Variants in NLGN4X observed in about 807,000 individuals in gnomAD.
NLGN4X encodes neuroligin-4, X-linked.
A neutral mutation model predicts 40.3 loss-of-function variants in NLGN4X; 3 were observed. That is an observed-to-expected ratio of 0.07 (90% CI 0.03 to 0.19). The LOEUF (loss-of-function observed/expected upper bound fraction) is 0.19. Ranked by LOEUF, NLGN4X falls within the 10% of genes least tolerant of loss-of-function variation. The probability of loss-of-function intolerance (pLI) is 1.00; values close to 1 mark genes in which losing one functional copy is unlikely to be tolerated. For synonymous variants in NLGN4X, 270 were observed against 306.8 expected (o/e 0.88, Z 1.25); for missense variants, 382 against 708.3 (o/e 0.54, Z 5.23).
intron 2 of NLGN4X, among the ~76,000 whole-genome samples, chrX:6,058,336 A>G (rs1278353011): frequency 1.8e-5 from 2 of 112,026 alleles, no homozygotes; most frequent in Admixed American, 1.9e-4. Flanking sequence ...AAGATACTAA[A>G]TCTGTGATTA....
chrX:6,036,941 A>G (rs910745576), intron 2 of NLGN4X, among the ~76,000 whole-genome samples: 2 of 111,531 alleles, frequency 1.8e-5, no homozygotes, highest in African/African-American at 6.5e-5. Context: ...TTAGTGCTTT[A>G]TCTATGTTAT....
At chrX:6,048,157 G>A (rs375376174) in intron 2 of NLGN4X, among the ~76,000 whole-genome samples, 329 of 111,770 alleles carry the variant, frequency 2.9e-3, no homozygotes, top group African/African-American at 0.01. Context: ...CTACAAACAC[G>A]CACAATTTCA....
intron 2 of NLGN4X, among the ~76,000 whole-genome samples, chrX:6,031,865 C>A (rs2036866597): frequency 9.1e-6 from 1 of 109,959 alleles, no homozygotes; most frequent in African/African-American, 3.3e-5. Context: ...TACCTCAGAC[C>A]TACCATCTTT....
chrX:6,191,860 A>G (rs907032534), intron 1 of NLGN4X, among the ~76,000 whole-genome samples: 9 of 112,020 alleles, frequency 8.0e-5, no homozygotes, highest in Non-Finnish European at 1.7e-4. Flanking sequence ...TTCTATCTCA[A>G]ATAAAAAAAA....
At chrX:6,206,000 A>G (rs1179846357) in intron 1 of NLGN4X, among the ~76,000 whole-genome samples, 4 of 111,794 alleles carry the variant, frequency 3.6e-5, no homozygotes, top group African/African-American at 1.3e-4. Flanking sequence ...CTTAATTACA[A>G]TGATCATTGT....
intron 2 of NLGN4X, among the ~76,000 whole-genome samples, chrX:6,048,767 T>G (rs2037393700): frequency 9.3e-6 from 1 of 107,587 alleles, no homozygotes; most frequent in Non-Finnish European, 1.9e-5. Context: ...CACCACATGT[T>G]CTCACGTATA....
intron 3 of NLGN4X, among the ~76,000 whole-genome samples, chrX:6,014,143 T>C (rs1274783756): frequency 2.8e-5 from 3 of 107,398 alleles, no homozygotes; most frequent in African/African-American, 6.9e-5. Flanking sequence ...GATCGCGCCA[T>C]TGCACTCCAG....
intron 3 of NLGN4X, among the ~76,000 whole-genome samples, chrX:5,971,509 T>C (rs955118524): frequency 8.9e-6 from 1 of 111,806 alleles, no homozygotes; most frequent in Admixed American, 9.5e-5. Flanking sequence ...CAGCTCCTAA[T>C]AGAAGGATCA....
intron 2 of NLGN4X, among the ~76,000 whole-genome samples, chrX:6,050,485 C>T (rs1051805315): frequency 1.1e-4 from 12 of 111,347 alleles, no homozygotes; most frequent in African/African-American, 3.9e-4. Context: ...CCATCTCTAA[C>T]ATCTTTATAT....
At chrX:6,083,508 T>C (rs189099790) in intron 2 of NLGN4X, among the ~76,000 whole-genome samples, 209 of 112,055 alleles carry the variant, frequency 1.9e-3, no homozygotes, top group African/African-American at 6.4e-3. Context: ...CCATCAGATG[T>C]GAGAATCAGG....
chrX:6,053,040 C>G (rs912504412), intron 2 of NLGN4X, among the ~76,000 whole-genome samples: 1 of 112,022 alleles, frequency 8.9e-6, no homozygotes, highest in African/African-American at 3.2e-5. Context: ...TACTGAGGCA[C>G]CACACTTGCT....
At chrX:6,031,537 G>T (rs765455051) in intron 2 of NLGN4X, among the ~76,000 whole-genome samples, 1 of 111,314 alleles carries the variant, frequency 9.0e-6, no homozygotes, top group Non-Finnish European at 1.9e-5. Context: ...AGCAAGGAGG[G>T]GAGCAACTAC....
intron 2 of NLGN4X, among the ~76,000 whole-genome samples, chrX:6,126,180 T>G (rs1033311325): frequency 8.1e-5 from 9 of 111,440 alleles, no homozygotes; most frequent in African/African-American, 2.9e-4. Flanking sequence ...TAGAAAAAAC[T>G]GGGAATTGCA....
intron 3 of NLGN4X, among the ~76,000 whole-genome samples, chrX:5,968,457 C>CTCTCTCTCTCTCTG (rs1192942244): frequency 2.1e-5 from 1 of 47,022 alleles, no homozygotes; most frequent in African/African-American, 1.1e-4. Flanking sequence ...CTCTCTCTCT[C>CTCTCTCTCTCTCTG]TGTGTGTGTG....
intron 2 of NLGN4X, among the ~76,000 whole-genome samples, chrX:6,116,159 G>T (rs1431783532): frequency 9.5e-6 from 1 of 104,861 alleles, no homozygotes; most frequent in Non-Finnish European, 1.9e-5. Context: ...CAGGCGTGGT[G>T]GTGGGCGCCT....
At chrX:6,061,797 G>A (rs1015152949) in intron 2 of NLGN4X, 6 of 111,697 alleles carry the variant, frequency 5.4e-5, no homozygotes, top group Non-Finnish European at 1.9e-5. Context: ...CTCTGTCATT[G>A]AAATGCCTTT....
chrX:5,981,536 T>A (rs1405815921), intron 3 of NLGN4X, among the ~76,000 whole-genome samples: 2 of 108,319 alleles, frequency 1.8e-5, no homozygotes, highest in Admixed American at 1.0e-4. Flanking sequence ...TGCATTAAGA[T>A]CTACTCAACT....
chrX:6,166,524 G>A (rs61469098), intron 1 of NLGN4X, among the ~76,000 whole-genome samples: 28,639 of 111,054 alleles, frequency 0.26, 2,680 homozygotes, highest in Admixed American at 0.29. Flanking sequence ...CCACCAAACC[G>A]CCAAAGGGAT....
intron 1 of NLGN4X, among the ~76,000 whole-genome samples, chrX:6,192,608 C>T (rs1602398062): frequency 1.8e-5 from 2 of 111,815 alleles, no homozygotes; most frequent in South Asian, 3.7e-4. Context: ...GACACCCTGG[C>T]GTCCTGATAG....
Sources: allele counts gnomAD v4.1 joint callset (sites outside exome capture counted in the v4.1 genomes callset), GRCh38; gene constraint gnomAD v4.1.1; transcripts MANE v1.5; gene names NCBI Gene and HGNC (gene_info 2026-07-23, HGNC 2026-07-21).